The following SLC38A8 variants were observed in gnomAD, a reference collection of about 807,000 sequenced individuals.
SLC38A8 encodes the protein solute carrier family 38 member 8.
A neutral mutation model predicts 46.0 loss-of-function variants in SLC38A8; 65 were observed. The observed-to-expected ratio is 1.41, with a 90% CI of 1.16 to 1.74. SLC38A8 has a LOEUF of 1.74. SLC38A8 is among the 40% of genes most tolerant of loss of function. The pLI, the probability that SLC38A8 is intolerant of heterozygous loss-of-function variation, is 0.00. For synonymous variants in SLC38A8, 447 were observed against 243.7 expected (o/e 1.83, Z -7.77); for missense variants, 998 against 567.9 (o/e 1.76, Z -7.70).
chr16:84,013,116 C>A, intron 9 of SLC38A8, 64 bp from the exon 10 acceptor site: 1 of 1,597,978 alleles, frequency 6.3e-7, no homozygotes, highest in Non-Finnish European at 8.6e-7. Context: ...AAAAAGGTCC[C>A]GGGAGAGGTC....
Position 84,036,896 on chromosome 16 carries a change from G to A in SLC38A8, c.194C>T (p.Ser65Leu), listed in dbSNP as rs559716817. ...VVPAFLVELV[S>L]LVFLISGLVI... ...CAGCCCGCTGATCAGGAAGACCAAC[G>A]AGACCTGCGGAGAAGGAGCAGGACC... Residue 65 changes from serine (S) to leucine (L), a missense_variant, in exon 3 of 11, where the codon TCG becomes TTG. Physicochemically the swap from Ser to Leu is moderately radical, Grantham distance 145. Transcript: ENST00000299709. 16 of 1,610,270 alleles carry A rather than the reference G, an allele frequency of 9.9e-6. No homozygotes were observed. The highest frequency in any genetic ancestry group is 2.7e-5 in the African/African-American group (2 of 74,928).
chr16:84,024,629 A>G (rs568777994), intron 6 of SLC38A8, among the ~76,000 whole-genome samples: 7 of 152,058 alleles, frequency 4.6e-5, no homozygotes, highest in Non-Finnish European at 1.0e-4. Context: ...AAAAGTATAA[A>G]AATTAGTCAG....
rs753586514 is a variant in SLC38A8 at position 84,036,700 on chromosome 16, AC to A, written c.388+1del. On this transcript the variant is annotated splice_donor_variant, in intron 3 of 10. Transcript: ENST00000299709. LOFTEE classifies it high-confidence loss of function. ...CACCCCGAGTCCCATGAAGGTACTT[AC>A]GCTTCTCCAGCTGGTCCCCGATCAC... 1 of 1,614,090 alleles carries A rather than the reference AC, an allele frequency of 6.2e-7. No individual in the cohort carries two copies.
At chr16:84,014,300 C>G (rs996749900) in intron 9 of SLC38A8, among the ~76,000 whole-genome samples, 1 of 148,228 alleles carries the variant, frequency 6.7e-6, no homozygotes, top group Non-Finnish European at 1.5e-5. Context: ...TCGCCCACAG[C>G]CTGAATAAGG....
intron 9 of SLC38A8, among the ~76,000 whole-genome samples, chr16:84,014,981 G>C (rs1357893385): frequency 6.6e-6 from 1 of 152,124 alleles, no homozygotes; most frequent in African/African-American, 2.4e-5. Context: ...ACCTGTAAGA[G>C]CCTCTACCTG....
intron 6 of SLC38A8, 28 bp downstream of exon 6, chr16:84,029,466 C>T: frequency 6.2e-7 from 1 of 1,613,008 alleles, no homozygotes; most frequent in Non-Finnish European, 8.5e-7. Flanking sequence ...GCAAACGCCA[C>T]AGGCTGCAAC....
intron 7 of SLC38A8, among the ~76,000 whole-genome samples, chr16:84,021,689 C>A (rs192360152): frequency 6.6e-6 from 1 of 152,336 alleles, no homozygotes; most frequent in East Asian, 1.9e-4. Flanking sequence ...TCCAGGTAGT[C>A]AATCATCAAC....
At chr16:84,024,596 C>T (rs2085139175) in intron 6 of SLC38A8, among the ~76,000 whole-genome samples, 1 of 152,050 alleles carries the variant, frequency 6.6e-6, no homozygotes, top group Non-Finnish European at 1.5e-5. Context: ...GCCTGGCCAA[C>T]ATGGTGAAAC....
chr16:84,022,453 A>T (rs748403289), intron 7 of SLC38A8, among the ~76,000 whole-genome samples: 1 of 152,216 alleles, frequency 6.6e-6, no homozygotes, highest in Non-Finnish European at 1.5e-5. Context: ...ACAGCAGTCA[A>T]TGTCCTTTGA....
intron 2 of SLC38A8, among the ~76,000 whole-genome samples, chr16:84,037,288 C>T (rs1338719598): frequency 1.3e-5 from 2 of 152,230 alleles, no homozygotes; most frequent in Admixed American, 6.5e-5. Flanking sequence ...GGAGCGGGCA[C>T]AGCCGGGCTC....
chr16:84,024,441 A>C (rs2085136510), intron 6 of SLC38A8, among the ~76,000 whole-genome samples: 1 of 152,064 alleles, frequency 6.6e-6, no homozygotes, highest in Admixed American at 6.5e-5. Context: ...GGCCTCCCTA[A>C]GTGCTGAGAT....
In SLC38A8 at chr16:84,016,603, C is replaced by A. The variant is rs374578326; in HGVS notation, c.1078G>T (p.Ala360Ser). 30 of 1,613,888 alleles carry A rather than the reference C, an allele frequency of 1.9e-5. No homozygotes were observed. The African/African-American group carries it at 3.1e-4, about 17-fold the overall frequency. Residue 360 changes from alanine to serine, a missense_variant, in exon 9 of 11, where the codon GCC becomes TCC. Ala to Ser is a moderately conservative substitution (Grantham distance 99). Coordinates refer to ENST00000299709, the MANE Select transcript of SLC38A8 (RefSeq NM_001080442.3). ...LTILWVTVTL[A>S]MALFMPDLSE... ...AGGTCAGGCATAAACAGCGCCATGG[C>A]GAGCGTCACGGTGACCCACAGGATG...
intron 2 of SLC38A8, chr16:84,040,019 G>C (rs1172692854): frequency 6.6e-6 from 1 of 152,242 alleles, no homozygotes; most frequent in Non-Finnish European, 1.5e-5. Context: ...GTGCGTTCAA[G>C]GTGGTATGGC....
At chr16:84,016,835 C>G (rs2085032921) in intron 8 of SLC38A8, 108 bp from the exon 9 acceptor site, 3 of 1,228,140 alleles carry the variant, frequency 2.4e-6, no homozygotes, top group East Asian at 2.5e-5. Context: ...GTCAGTGCTC[C>G]TGTTCCACAC....
intron 4 of SLC38A8, among the ~76,000 whole-genome samples, chr16:84,032,900 G>GGGTGGGTGTGCATGGGTGGGTGTGGGTA (rs2085259445): frequency 3.3e-5 from 5 of 150,322 alleles, no homozygotes; most frequent in African/African-American, 1.0e-4. Context: ...GTGCATGTGT[G>GGGTGGGTGTGCATGGGTGGGTGTGGGTA]GGTGGGTGAG....
intron 6 of SLC38A8, among the ~76,000 whole-genome samples, chr16:84,024,273 C>T (rs1379871496): frequency 1.3e-5 from 2 of 152,190 alleles, no homozygotes. Context: ...TTCCCGGGGG[C>T]TTGACCATGT....
At chr16:84,016,827 C>A in intron 8 of SLC38A8, 100 bp from the exon 9 acceptor site, 1 of 1,291,378 alleles carries the variant, frequency 7.7e-7, no homozygotes, top group Non-Finnish European at 1.1e-6. Context: ...TCACACCTGT[C>A]AGTGCTCCTG....
chr16:84,032,037 T>G (rs1471748350), intron 4 of SLC38A8, 69 bp from the exon 5 acceptor site: 11 of 1,361,628 alleles, frequency 8.1e-6, no homozygotes, highest in African/African-American at 4.3e-5. Flanking sequence ...GGGACAGTAG[T>G]GGGATCTGAA....
intron 6 of SLC38A8, among the ~76,000 whole-genome samples, chr16:84,023,468 C>T (rs2085119953): frequency 6.6e-6 from 1 of 152,036 alleles, no homozygotes; most frequent in African/African-American, 2.4e-5. Flanking sequence ...CCAACAGAAC[C>T]CACATGCCCA....
Sources: allele counts gnomAD v4.1 joint callset (sites outside exome capture counted in the v4.1 genomes callset), GRCh38; gene constraint gnomAD v4.1.1; transcripts MANE v1.5; gene names NCBI Gene and HGNC (gene_info 2026-07-23, HGNC 2026-07-21).